DCDC2: variants seen among roughly 807,000 people sequenced by gnomAD.
DCDC2 encodes the protein doublecortin domain containing 2, also known as doublecortin domain-containing protein 2.
DCDC2 carries 40 observed loss-of-function variants against 50.2 expected under a neutral mutation model. The ratio of observed to expected loss-of-function variants is 0.80; its 90% CI spans 0.62 to 1.04. The LOEUF (loss-of-function observed/expected upper bound fraction) is 1.04, where lower values mean the gene tolerates loss of function less well. Ranked by LOEUF, DCDC2 falls within the 50% of genes least tolerant of loss-of-function variation. DCDC2 has a pLI of 0.00. For missense variants in DCDC2, 570 were observed against 581.9 expected, an observed-to-expected ratio of 0.98 and a Z score of 0.21; for synonymous variants, 234 against 210.6, an observed-to-expected ratio of 1.11 and a Z score of -0.96.
intron 8 of DCDC2, among the ~76,000 whole-genome samples, chr6:24,179,161 T>C (rs1760992809): frequency 6.6e-6 from 1 of 152,146 alleles, no homozygotes; most frequent in African/African-American, 2.4e-5. Context: ...TTCCCCACAA[T>C]GCCTAAGGAA....
chr6:24,380,869 A>T, the DCDC2 span, among the ~76,000 whole-genome samples: 1 of 152,154 alleles, frequency 6.6e-6, no homozygotes, highest in African/African-American at 2.4e-5. Context: ...CCAGGGCTTG[A>T]GCCCAGGAAT....
intron 2 of DCDC2, among the ~76,000 whole-genome samples, chr6:24,352,967 C>G (rs141416019): frequency 6.6e-6 from 1 of 152,320 alleles, no homozygotes; most frequent in East Asian, 1.9e-4. Flanking sequence ...CTACAGAATA[C>G]CTAAAACTCC....
chr6:24,231,526 G>C (rs904598663), intron 7 of DCDC2, among the ~76,000 whole-genome samples: 1 of 152,096 alleles, frequency 6.6e-6, no homozygotes, highest in African/African-American at 2.4e-5. Flanking sequence ...AGCCAGCTCA[G>C]ACCTGGGTTG....
chr6:24,304,787 T>A (rs894222026), intron 2 of DCDC2, among the ~76,000 whole-genome samples: 2 of 152,210 alleles, frequency 1.3e-5, no homozygotes, highest in African/African-American at 4.8e-5. Context: ...AAATGGGTAC[T>A]TACAAGTGAG....
intron 7 of DCDC2, among the ~76,000 whole-genome samples, chr6:24,225,727 TATA>T (rs992501815): frequency 5.3e-5 from 8 of 151,670 alleles, no homozygotes; most frequent in African/African-American, 1.9e-4. Flanking sequence ...CACACACAAA[TATA>T]ATGTCCTGAG....
At chr6:24,336,728 A>G (rs1483552416) in intron 2 of DCDC2, among the ~76,000 whole-genome samples, 1 of 146,472 alleles carries the variant, frequency 6.8e-6, no homozygotes, top group Non-Finnish European at 1.5e-5. Context: ...TTTTTTTTTT[A>G]TTTTTTTTTC....
intron 8 of DCDC2, among the ~76,000 whole-genome samples, chr6:24,200,166 A>G (rs930604846): frequency 3.9e-5 from 6 of 152,160 alleles, no homozygotes; most frequent in African/African-American, 1.4e-4. Context: ...AGAACACCAC[A>G]AAGATGATCC....
chr6:24,326,166 AAAGGAAGG>A (rs143866897), intron 2 of DCDC2, among the ~76,000 whole-genome samples: 4,602 of 127,202 alleles, frequency 0.036, 333 homozygotes, highest in South Asian at 0.065. Flanking sequence ...GAGAGGAAGG[AAAGGAAGG>A]AAGGAAGGAA....
chr6:24,205,212 T>C, intron 7 of DCDC2, 110 bp from the exon 8 acceptor site: 1 of 1,612,360 alleles, frequency 6.2e-7, no homozygotes, highest in Non-Finnish European at 8.5e-7. Flanking sequence ...GGATTCCCTT[T>C]TTAGTTGATA....
chr6:24,215,869 T>G (rs185067986), intron 7 of DCDC2, among the ~76,000 whole-genome samples: 1 of 152,110 alleles, frequency 6.6e-6, no homozygotes, highest in Non-Finnish European at 1.5e-5. Context: ...ACAAGAGACA[T>G]TGAATACTTG....
chr6:24,357,995 G>A lies in DCDC2; in HGVS notation c.-245C>T, dbSNP rs1242466477. 5.1e-6 allele frequency: 7 copies of A among 1,379,326 alleles called. No homozygotes were observed. Among genetic ancestry groups the A allele is most frequent in the African/African-American group, 1.5e-5 (1 of 68,592 alleles). 85.4% of individuals were successfully genotyped at this position (1,379,326 alleles called of 1,614,324 possible). On this transcript the variant is annotated 5_prime_UTR_variant, in exon 1 of 10. Coordinates refer to ENST00000378454, the MANE Select transcript of DCDC2 (RefSeq NM_016356.5). Reference sequence around the variant, plus strand: ...CACCGTGGCGTGCACAGCCAATCAGGACCCGCAGTGCGCGCACCACACCAG... The same window carrying A: ...CACCGTGGCGTGCACAGCCAATCAGAACCCGCAGTGCGCGCACCACACCAG...
At chr6:24,239,546 G>C (rs1423821070) in intron 7 of DCDC2, among the ~76,000 whole-genome samples, 1 of 152,164 alleles carries the variant, frequency 6.6e-6, no homozygotes, top group Admixed American at 6.5e-5. Context: ...AATTAGGAAT[G>C]ATTTCCCTGC....
chr6:24,203,222 C>A (rs879238013), intron 8 of DCDC2, among the ~76,000 whole-genome samples: 3 of 152,176 alleles, frequency 2.0e-5, no homozygotes, highest in Admixed American at 1.3e-4. Flanking sequence ...ATCATGCTAC[C>A]TGACTTCAAA....
At position 24,313,987 on chromosome 6, in the gene DCDC2, C is replaced by T. The variant is rs547340126; in HGVS notation, c.349-11943G>A. 2.0e-5 allele frequency among the ~76,000 whole-genome samples: 3 copies of T among 152,242 alleles called. No individual in the cohort carries two copies. In the East Asian group the frequency reaches 5.8e-4, roughly 29 times the overall value. On this transcript the variant is annotated intron_variant, in intron 2 of 9. Transcript: ENST00000378454. ...CTGGACTGGGAGTCAGCTCCTAGCCCTAGAAGCGCAGCTCCTCACTGAGTT... is the reference window on the plus strand; with the variant it reads ...CTGGACTGGGAGTCAGCTCCTAGCCTTAGAAGCGCAGCTCCTCACTGAGTT...
Position 24,267,176 on chromosome 6 carries a change from G to C in DCDC2, c.922+10873C>G, listed in dbSNP as rs191684624. Among the ~76,000 whole-genome samples the C allele has an allele frequency of 3.0e-4, 46 of 152,290 alleles. No homozygotes were observed. In the East Asian group the frequency reaches 7.9e-3, roughly 26 times the overall value. On this transcript the variant is annotated intron_variant, in intron 7 of 9. Transcript: ENST00000378454. ...GGCTGGGAAGGGTAGTGAGGGTGAGGAGTGGAGATGGTTAATGGGTACAAA... is the reference window on the plus strand; with the variant it reads ...GGCTGGGAAGGGTAGTGAGGGTGAGCAGTGGAGATGGTTAATGGGTACAAA...
At chr6:24,338,253 C>T (rs966198581) in intron 2 of DCDC2, among the ~76,000 whole-genome samples, 1 of 152,206 alleles carries the variant, frequency 6.6e-6, no homozygotes, top group Non-Finnish European at 1.5e-5. Context: ...CATGCACAAA[C>T]ACTCACAGTG....
At chr6:24,346,065 G>T (rs147210896) in intron 2 of DCDC2, among the ~76,000 whole-genome samples, 1 of 151,032 alleles carries the variant, frequency 6.6e-6, no homozygotes, top group African/African-American at 2.4e-5. Context: ...TGTAGTCCCA[G>T]CTACTCAGGA....
intron 6 of DCDC2, among the ~76,000 whole-genome samples, chr6:24,279,028 T>C (rs1463150941): frequency 3.3e-5 from 5 of 152,186 alleles, no homozygotes; most frequent in African/African-American, 9.7e-5. Flanking sequence ...GGTCCCCATG[T>C]GTCTCTCACA....
intron 7 of DCDC2, among the ~76,000 whole-genome samples, chr6:24,220,411 C>G (rs1762073592): frequency 6.6e-6 from 1 of 152,102 alleles, no homozygotes; most frequent in South Asian, 2.1e-4. Context: ...AAATCCATGA[C>G]AGGTCAAGAA....
Sources: allele counts gnomAD v4.1 joint callset (sites outside exome capture counted in the v4.1 genomes callset), GRCh38; gene constraint gnomAD v4.1.1; transcripts MANE v1.5; gene names NCBI Gene and HGNC (gene_info 2026-07-23, HGNC 2026-07-21).